AKAP6: variants seen among roughly 807,000 people sequenced by gnomAD.
AKAP6 encodes A-kinase anchor protein 6.
Under a neutral mutation model 188.5 loss-of-function variants are expected in AKAP6, and 58 were observed. The ratio of observed to expected loss-of-function variants is 0.31; its 90% confidence interval spans 0.25 to 0.38. The LOEUF (loss-of-function observed/expected upper bound fraction) is 0.38. Ranked by LOEUF, AKAP6 falls within the 10% of genes least tolerant of loss-of-function variation. AKAP6 has a pLI of 1.00. For synonymous variants in AKAP6, 989 were observed against 998.6 expected (o/e 0.99, Z 0.18); for missense variants, 2,710 against 2,740.0 (o/e 0.99, Z 0.24).
chr14:32,602,354 G>A (rs1005148638), intron 7 of AKAP6, among the ~76,000 whole-genome samples: 1 of 152,058 alleles, frequency 6.6e-6, no homozygotes, highest in Non-Finnish European at 1.5e-5. Context: ...GATGAGCCAG[G>A]CATGGTGGCA....
At chr14:32,667,163 T>C (rs1888979239) in intron 7 of AKAP6, among the ~76,000 whole-genome samples, 1 of 152,120 alleles carries the variant, frequency 6.6e-6, no homozygotes. Context: ...TTATCGTGCA[T>C]GACCCTCGGA....
chr14:32,586,314 C>A (rs1427825141), intron 5 of AKAP6, among the ~76,000 whole-genome samples: 3 of 152,134 alleles, frequency 2.0e-5, no homozygotes, highest in Non-Finnish European at 4.4e-5. Context: ...TTCATTATAT[C>A]ATTTCTGATT....
intron 2 of AKAP6, among the ~76,000 whole-genome samples, chr14:32,532,626 A>G (rs1354398350): frequency 1.3e-5 from 2 of 152,172 alleles, no homozygotes; most frequent in Admixed American, 6.5e-5. Flanking sequence ...GATGGTGTGG[A>G]GTAGATGAGA....
chr14:32,799,324 A>G (rs2140082381), intron 12 of AKAP6, among the ~76,000 whole-genome samples: 1 of 152,042 alleles, frequency 6.6e-6, no homozygotes, highest in Admixed American at 6.5e-5. Context: ...TTATGCTCTT[A>G]TTTTTAATAT....
rs1000461974 is a variant in AKAP6 at position 32,830,080 on chromosome 14, C to G, written c.*275C>G. The G allele has an allele frequency of 1.5e-6, 1 of 660,418 alleles. No individual in the cohort carries two copies. Among genetic ancestry groups the G allele is most frequent in the Non-Finnish European group, 2.8e-6 (1 of 362,864 alleles). 40.9% of individuals were successfully genotyped at this position (660,418 alleles called of 1,614,324 possible). On this transcript the variant is annotated 3_prime_UTR_variant, in exon 14 of 14. Coordinates refer to ENST00000280979, the MANE Select transcript of AKAP6 (RefSeq NM_004274.5). ...CTTGTTCTCCCATGGATTCCTGTCC[C>G]AAGCTACCTCTACCAACCCTCTCTC... is the stretch of plus-strand genomic sequence containing the variant.
chr14:32,677,342 A>G (rs970583467), intron 7 of AKAP6, among the ~76,000 whole-genome samples: 8 of 152,200 alleles, frequency 5.3e-5, no homozygotes, highest in African/African-American at 1.9e-4. Context: ...TCTGGCGACT[A>G]CTCAACAGCT....
At chr14:32,478,479 G>T (rs1304876657) in intron 2 of AKAP6, among the ~76,000 whole-genome samples, 1 of 152,212 alleles carries the variant, frequency 6.6e-6, no homozygotes, top group Non-Finnish European at 1.5e-5. Context: ...AAGGATCAAA[G>T]ATGGGCTAAA....
intron 7 of AKAP6, among the ~76,000 whole-genome samples, chr14:32,666,048 A>T (rs570225431): frequency 6.6e-6 from 1 of 152,184 alleles, no homozygotes; most frequent in Admixed American, 6.5e-5. Flanking sequence ...CTTCCATTAG[A>T]ATTTTAAGTA....
intron 1 of AKAP6, among the ~76,000 whole-genome samples, chr14:32,415,597 A>T (rs952786570): frequency 2.0e-5 from 3 of 152,272 alleles, no homozygotes; most frequent in African/African-American, 7.2e-5. Context: ...AACTACATTC[A>T]TCGTATCGTG....
chr14:32,511,245 C>G (rs890797073), intron 2 of AKAP6, among the ~76,000 whole-genome samples: 1 of 152,192 alleles, frequency 6.6e-6, no homozygotes, highest in East Asian at 1.9e-4. Flanking sequence ...TCTCTGTCTT[C>G]CAGAGTCTGA....
chr14:32,459,990 T>TA lies in AKAP6; in HGVS notation c.324+26178dup, dbSNP rs1891271648. 2.0e-5 allele frequency among the ~76,000 whole-genome samples: 3 copies of TA among 151,948 alleles called. No individual in the cohort carries two copies. In the South Asian group the frequency reaches 6.2e-4, roughly 32 times the overall value. On this transcript the variant is annotated intron_variant, in intron 2 of 13. Coordinates refer to ENST00000280979, the MANE Select transcript of AKAP6 (RefSeq NM_004274.5). ...GCAGTGATTGGCTGCTCAAAAAACA[T>TA]AAAAATAAAGACAACCATACAACTC...
At position 32,773,702 on chromosome 14, in the gene AKAP6, C is replaced by T; in HGVS notation, c.3397C>T (p.Arg1133Ter). 1 of 1,614,022 alleles carries T rather than the reference C, an allele frequency of 6.2e-7. No individual in the cohort carries two copies. The highest frequency in any genetic ancestry group is 8.5e-7 in the Non-Finnish European group (1 of 1,179,940). ...GTCCCTCTGTCGTGAAATCAAGCAA[C>T]GACGTCGAGGAGTTGCCTCCATTCT... is the stretch of plus-strand genomic sequence containing the variant. Reference protein sequence around the residue: ...FKSLCREIKQRRRGVASILRL... With the variant: ...FKSLCREIKQ The change falls in exon 12 of 14, where the codon CGA becomes TGA. Residue 1133 changes from arginine (R) to a stop codon, truncating the protein, a stop_gained. Coordinates refer to ENST00000280979, the MANE Select transcript of AKAP6 (RefSeq NM_004274.5). LOFTEE classifies it high-confidence loss of function.
At chr14:32,551,571 CAAAA>C (rs1184190008) in intron 4 of AKAP6, among the ~76,000 whole-genome samples, 7 of 50,970 alleles carry the variant, frequency 1.4e-4, no homozygotes, top group Admixed American at 1.1e-3. Flanking sequence ...GACTTGGTCT[CAAAA>C]AAAAAAAAAA....
intron 9 of AKAP6, 126 bp downstream of exon 9, chr14:32,696,236 TC>T: frequency 8.1e-7 from 1 of 1,238,068 alleles, no homozygotes; most frequent in African/African-American, 1.6e-5. Flanking sequence ...AGAATTCCCT[TC>T]CCTGTCCCCA....
At chr14:32,453,766 T>G (rs917874225) in intron 2 of AKAP6, among the ~76,000 whole-genome samples, 2 of 150,358 alleles carry the variant, frequency 1.3e-5, no homozygotes, top group Non-Finnish European at 3.0e-5. Context: ...CCGGCTAATT[T>G]TTTTGTATTT....
At chr14:32,411,794 C>CTTTTTTTTTT (rs11404817) in intron 1 of AKAP6, among the ~76,000 whole-genome samples, 1 of 144,458 alleles carries the variant, frequency 6.9e-6, no homozygotes, top group Non-Finnish European at 1.5e-5. Context: ...CTCTCTTACT[C>CTTTTTTTTTT]TTTTTTTTTT....
chr14:32,481,770 T>C (rs961419299), intron 2 of AKAP6, among the ~76,000 whole-genome samples: 1 of 152,106 alleles, frequency 6.6e-6, no homozygotes, highest in African/African-American at 2.4e-5. Flanking sequence ...AGCTGTAACA[T>C]CTCCCAGCCT....
At position 32,753,153 on chromosome 14, in the gene AKAP6, C is replaced by T. The variant is rs891189798; in HGVS notation, c.3372+17271C>T. On this transcript the variant is annotated intron_variant, in intron 11 of 13. Coordinates refer to ENST00000280979, the MANE Select transcript of AKAP6 (RefSeq NM_004274.5). ...TGTTTTCCATATTTATATTAATTTA[C>T]ATTCCCAACAACAGTGTACAAGGGT... Among the ~76,000 whole-genome samples the T allele has an allele frequency of 5.9e-5, 9 of 152,208 alleles. No individual in the cohort carries two copies. The South Asian group carries it at 1.7e-3, about 28-fold the overall frequency.
chr14:32,518,099 T>C (rs919472647), intron 2 of AKAP6, among the ~76,000 whole-genome samples: 2 of 152,098 alleles, frequency 1.3e-5, no homozygotes, highest in Non-Finnish European at 1.5e-5. Flanking sequence ...GGAGTGGACC[T>C]CCAGCAAACT....
Sources: allele counts gnomAD v4.1 joint callset (sites outside exome capture counted in the v4.1 genomes callset), GRCh38; gene constraint gnomAD v4.1.1; transcripts MANE v1.5; gene names NCBI Gene and HGNC (gene_info 2026-07-23, HGNC 2026-07-21).